Variants in SEC24B observed in about 807,000 individuals in gnomAD.
SEC24B encodes protein transport protein Sec24B.
Under a neutral mutation model 142.8 loss-of-function variants are expected in SEC24B, and 45 were observed. The observed-to-expected ratio is 0.32, with a 90% CI of 0.25 to 0.40. The LOEUF is 0.40. Among genes scored for constraint, SEC24B ranks in the 10% least tolerant of loss-of-function variants. The probability of loss-of-function intolerance (pLI) is 1.00; values close to 1 mark genes in which losing one functional copy is unlikely to be tolerated. For synonymous variants in SEC24B, 574 were observed against 568.2 expected (o/e 1.01, Z -0.15); for missense variants, 1,409 against 1,526.8 (o/e 0.92, Z 1.29).
chr4:109,530,992 A>T (rs1490218643), intron 19 of SEC24B, among the ~76,000 whole-genome samples: 1 of 151,902 alleles, frequency 6.6e-6, no homozygotes, highest in Non-Finnish European at 1.5e-5. Flanking sequence ...TCTCTTCTTT[A>T]ATGTGTGTGA....
intron 1 of SEC24B, among the ~76,000 whole-genome samples, chr4:109,440,282 A>G (rs1049593789): frequency 6.6e-6 from 1 of 152,166 alleles, no homozygotes; most frequent in African/African-American, 2.4e-5. Flanking sequence ...TTGTAGCAGT[A>G]ATTAATTTTG....
chr4:109,538,442 T>C (rs1430308609), intron 22 of SEC24B, 51 bp from the exon 23 acceptor site: 1 of 1,251,382 alleles, frequency 8.0e-7, no homozygotes. Context: ...GTTCTATTAC[T>C]GCTGAAGTCT....
intron 8 of SEC24B, among the ~76,000 whole-genome samples, chr4:109,510,678 C>A (rs1002907476): frequency 2.0e-5 from 3 of 152,084 alleles, no homozygotes; most frequent in African/African-American, 7.2e-5. Context: ...CAACAAATAA[C>A]CTTTGTAACA....
intron 17 of SEC24B, 143 bp downstream of exon 17, chr4:109,526,542 TTTTC>T: frequency 1.3e-5 from 7 of 545,882 alleles, no homozygotes; most frequent in Middle Eastern, 9.8e-4. Flanking sequence ...TATGTTGTTA[TTTTC>T]TTTCTTTTTT....
intron 4 of SEC24B, among the ~76,000 whole-genome samples, chr4:109,482,158 T>C (rs756458907): frequency 1.3e-4 from 20 of 152,336 alleles, no homozygotes; most frequent in Non-Finnish European, 2.6e-4. Flanking sequence ...CCTGCTACTT[T>C]AGTCTAATCA....
chr4:109,529,051 T>C (rs1301800850), intron 18 of SEC24B, among the ~76,000 whole-genome samples: 2 of 151,810 alleles, frequency 1.3e-5, no homozygotes, highest in Non-Finnish European at 2.9e-5. Flanking sequence ...TGGTCCCAGC[T>C]ACTCAGGAGG....
At chr4:109,512,127 T>TG in intron 9 of SEC24B, 44 bp downstream of exon 9, 1 of 1,102,402 alleles carries the variant, frequency 9.1e-7, no homozygotes, top group Non-Finnish European at 1.2e-6. Context: ...TATTTTCAGG[T>TG]TTTTTTTTTT....
chr4:109,451,054 T>A (rs940305248), intron 1 of SEC24B: 1 of 152,156 alleles, frequency 6.6e-6, no homozygotes, highest in Non-Finnish European at 1.5e-5. Context: ...TACAAATATT[T>A]GCCACAGCAC....
At chr4:109,481,561 G>C in intron 3 of SEC24B, 116 bp from the exon 4 acceptor site, 1 of 686,756 alleles carries the variant, frequency 1.5e-6, no homozygotes, top group South Asian at 2.1e-5. Context: ...TAATATGCAT[G>C]TTGGGATGTT....
intron 3 of SEC24B, among the ~76,000 whole-genome samples, chr4:109,475,162 G>A (rs760040785): frequency 2.6e-5 from 4 of 152,184 alleles, no homozygotes; most frequent in Non-Finnish European, 5.9e-5. Flanking sequence ...TCTTGCTTAA[G>A]TAACAGAAAA....
In SEC24B at chr4:109,521,460, C is replaced by A. The variant is rs751257843; in HGVS notation, c.2342C>A (p.Thr781Asn). The A allele has an allele frequency of 7.4e-6, 12 of 1,614,088 alleles. No individual in the cohort carries two copies. Among genetic ancestry groups the A allele is most frequent in the Non-Finnish European group, 1.0e-5 (12 of 1,179,994 alleles). Reference protein sequence around the residue: ...DLLNALPNMFTNTRETHSALG... With the variant: ...DLLNALPNMFNNTRETHSALG... The stretch of plus-strand genomic sequence containing the variant: ...CTGAATGCATTACCAAACATGTTCA[C>A]CAATACAAGAGAAACACACAGTGCC... The change falls in exon 14 of 24, where the codon ACC becomes AAC. Residue 781 changes from threonine (T) to asparagine (N), a missense_variant. Coordinates refer to ENST00000265175, the MANE Select transcript of SEC24B (RefSeq NM_006323.5).
intron 1 of SEC24B, chr4:109,449,645 T>G (rs1404147003): frequency 2.5e-6 from 1 of 394,004 alleles, no homozygotes; most frequent in Non-Finnish European, 5.0e-6. Flanking sequence ...TGGCCTTTTC[T>G]TGGTATGTGC....
At position 109,494,882 on chromosome 4, in the gene SEC24B, T is replaced by C; in HGVS notation, c.1488+26T>C. 3 of 1,608,804 alleles carry C rather than the reference T, an allele frequency of 1.9e-6. No individual in the cohort carries two copies. The South Asian group carries it at 3.3e-5, about 18-fold the overall frequency. ...GTATGTATTCAGTCATATACACACA[T>C]TGTAACAGTTATAAAACTTAATTCT... On this transcript the variant is annotated intron_variant, in intron 6 of 23. Transcript: ENST00000265175.
chr4:109,446,710 A>G (rs555886773), intron 1 of SEC24B, among the ~76,000 whole-genome samples: 4 of 152,346 alleles, frequency 2.6e-5, no homozygotes, highest in Middle Eastern at 3.4e-3. Flanking sequence ...CTGTTTTTGT[A>G]TTATGGTATA....
intron 1 of SEC24B, chr4:109,449,624 G>A: frequency 2.4e-6 from 1 of 418,848 alleles, no homozygotes; most frequent in South Asian, 1.7e-5. Context: ...CCTTGTCACT[G>A]TGTGCTCACA....
In SEC24B at chr4:109,482,999, C is replaced by CATAT. The variant is rs1353546670; in HGVS notation, c.1165+1219_1165+1220insTATA. 5.1e-4 allele frequency among the ~76,000 whole-genome samples: 53 copies of CATAT among 103,766 alleles called. 2 individuals are homozygous for CATAT. The highest frequency in any genetic ancestry group is 3.8e-3 in the South Asian group (13 of 3,464). The allele number at this position is 103,766 out of a possible 152,430, so 68.1% of individuals were successfully genotyped here. On this transcript the variant is annotated intron_variant, in intron 4 of 23. Transcript: ENST00000265175. Reference sequence around the variant, plus strand: ...ATATATACACACACACACACACACACACACATATTATACATATGTTTTTTA... The same window carrying CATAT: ...ATATATACACACACACACACACACACATATACACATATTATACATATGTTTTTTA...
At chr4:109,522,935 T>C (rs745901579) in intron 14 of SEC24B, among the ~76,000 whole-genome samples, 2 of 152,212 alleles carry the variant, frequency 1.3e-5, no homozygotes, top group Non-Finnish European at 2.9e-5. Flanking sequence ...CATCTTGCTG[T>C]GTTGCCCAGG....
intron 4 of SEC24B, among the ~76,000 whole-genome samples, chr4:109,484,031 T>C (rs1001704443): frequency 5.3e-5 from 8 of 152,228 alleles, no homozygotes; most frequent in Admixed American, 2.6e-4. Context: ...TATCAAGAAA[T>C]AGAGCATTGA....
At chr4:109,452,521 C>T (rs1436125391) in intron 1 of SEC24B, among the ~76,000 whole-genome samples, 1 of 152,218 alleles carries the variant, frequency 6.6e-6, no homozygotes, top group Non-Finnish European at 1.5e-5. Context: ...GGTGGCTATA[C>T]TAGTATGTAT....
Sources: gnomAD v4.1 joint callset for allele counts (sites outside exome capture counted in the v4.1 genomes callset) on GRCh38, gnomAD v4.1.1 for gene constraint, MANE v1.5 for transcripts, NCBI Gene and HGNC (gene_info 2026-07-23, HGNC 2026-07-21) for gene names.